Variants in CYP4B1 observed in about 807,000 individuals in gnomAD.
CYP4B1 encodes cytochrome P450 family 4 subfamily B member 1, also known as cytochrome P450 4B1.
A neutral mutation model predicts 54.0 loss-of-function variants in CYP4B1; 45 were observed. The ratio of observed to expected loss-of-function variants is 0.83; its 90% confidence interval spans 0.66 to 1.07. CYP4B1 has a LOEUF of 1.07. Ranked by LOEUF, CYP4B1 falls within the 50% of genes least tolerant of loss-of-function variation. The pLI is 0.00. For missense variants in CYP4B1, 656 were observed against 655.4 expected (o/e 1.00, Z -0.01); for synonymous variants, 248 against 247.5 (o/e 1.00, Z -0.02).
At chr1:46,815,953 G>A (rs542320483) in intron 8 of CYP4B1, among the ~76,000 whole-genome samples, 3 of 151,576 alleles carry the variant, frequency 2.0e-5, no homozygotes, top group Admixed American at 1.3e-4. Flanking sequence ...GCCTCCAAGA[G>A]GGGGCTAGGC....
At chr1:46,799,410 C>T (rs1678521427) in intron 1 of CYP4B1, 149 bp downstream of exon 1, 1 of 777,244 alleles carries the variant, frequency 1.3e-6, no homozygotes, top group Non-Finnish European at 2.0e-6. Context: ...ATTCAGCTTT[C>T]CCACCGGAAT....
intron 1 of CYP4B1, among the ~76,000 whole-genome samples, chr1:46,809,917 C>A (rs1034036250): frequency 6.6e-6 from 1 of 152,180 alleles, no homozygotes; most frequent in Non-Finnish European, 1.5e-5. Flanking sequence ...TGTATAACTT[C>A]ATTTACTTAA....
At chr1:46,806,459 T>C (rs1275225360) in intron 1 of CYP4B1, among the ~76,000 whole-genome samples, 2 of 152,198 alleles carry the variant, frequency 1.3e-5, no homozygotes, top group African/African-American at 4.8e-5. Flanking sequence ...GCAGGCTTGC[T>C]AACAAGGGCT....
intron 1 of CYP4B1, among the ~76,000 whole-genome samples, chr1:46,805,740 C>T (rs1255690122): frequency 5.9e-5 from 9 of 152,178 alleles, no homozygotes; most frequent in Admixed American, 2.0e-4. Context: ...TTCAGAGATG[C>T]TACATCTTCT....
At chr1:46,803,063 C>T (rs1678723142) in intron 1 of CYP4B1, among the ~76,000 whole-genome samples, 1 of 152,160 alleles carries the variant, frequency 6.6e-6, no homozygotes, top group Non-Finnish European at 1.5e-5. Flanking sequence ...GAGGATGAGG[C>T]TGGAGGTAGA....
intron 11 of CYP4B1, 26 bp downstream of exon 11, chr1:46,818,239 C>T (rs1354509599): frequency 5.6e-6 from 9 of 1,599,710 alleles, no homozygotes; most frequent in Non-Finnish European, 7.7e-6. Context: ...GTATCCCAGG[C>T]CCTCAGGACT....
chr1:46,810,067 C>G (rs775945200), intron 1 of CYP4B1, among the ~76,000 whole-genome samples: 1 of 152,162 alleles, frequency 6.6e-6, no homozygotes, highest in Non-Finnish European at 1.5e-5. Context: ...CTTTCCCAAC[C>G]CAGCGCGTTT....
chr1:46,805,593 AC>A (rs1678826348), intron 1 of CYP4B1, among the ~76,000 whole-genome samples: 1 of 152,100 alleles, frequency 6.6e-6, no homozygotes, highest in South Asian at 2.1e-4. Context: ...GGAGGAAGTC[AC>A]CTCTCTGCTC....
In CYP4B1 at chr1:46,810,861, G is replaced by T; in HGVS notation, c.234G>T (p.Pro78=). The part of the protein sequence containing the change: ...DKVVSWAHQF[P]YAHPLWFGQF... ...TGGTGTCCTGGGCCCACCAGTTCCC[G>T]TATGCCCACCCACTCTGGTTCGGAC... Residue 78 remains proline (P), a synonymous_variant, in exon 2 of 12, where the codon CCG becomes CCT. Transcript: ENST00000371923. 1.2e-6 allele frequency: 2 copies of T among 1,614,116 alleles called. No homozygotes were observed. The highest frequency in any genetic ancestry group is 1.7e-6 in the Non-Finnish European group (2 of 1,180,000).
In CYP4B1 at chr1:46,813,514, G is replaced by A; in HGVS notation, c.528G>A (p.Lys176=). The A allele has an allele frequency of 6.2e-7, 1 of 1,614,204 alleles. No homozygotes were observed. Among genetic ancestry groups the A allele is most frequent in the Non-Finnish European group, 8.5e-7 (1 of 1,180,036 alleles). ...DKWEEKAREG[K]SFDIFCDVGH... ...GGGAAGAGAAAGCTCGGGAGGGTAA[G>A]TCCTTTGACATCTTCTGCGATGTGG... Residue 176 remains lysine, a synonymous_variant, in exon 5 of 12, where the codon AAG becomes AAA. Coordinates refer to ENST00000371923, the MANE Select transcript of CYP4B1 (RefSeq NM_001099772.2).
At chr1:46,804,122 C>T (rs957072694) in intron 1 of CYP4B1, among the ~76,000 whole-genome samples, 18 of 152,054 alleles carry the variant, frequency 1.2e-4, no homozygotes, top group African/African-American at 2.7e-4. Context: ...AGGGAGAAGA[C>T]GCAAGGGAAG....
At chr1:46,818,096 C>T (rs539676662) in intron 10 of CYP4B1, 35 bp from the exon 11 acceptor site, 1 of 1,613,282 alleles carries the variant, frequency 6.2e-7, no homozygotes, top group African/African-American at 1.3e-5. Context: ...TCTGCCAGAA[C>T]CTGGCGAGTG....
In CYP4B1 at chr1:46,815,113, G is replaced by A. The variant is rs144531409; in HGVS notation, c.922G>A (p.Ala308Thr). 1.0e-3 allele frequency: 1,673 copies of A among 1,614,074 alleles called. 20 individuals carry two copies. The highest frequency in any genetic ancestry group is 3.0e-4 in the Non-Finnish European group (359 of 1,180,034). Reference protein sequence around the residue: ...DIKLSDADLRAEVDTFMFEGH... With the variant: ...DIKLSDADLRTEVDTFMFEGH... ...CAAACTGTCAGATGCAGACCTCCGG[G>A]CTGAAGTGGACACATTCATGTTTGA... Residue 308 changes from alanine (A) to threonine (T), a missense_variant, in exon 8 of 12, where the codon GCT becomes ACT. By Grantham distance (58) the Ala-to-Thr change is moderately conservative (BLOSUM62 0). Transcript: ENST00000371923.
At position 46,810,845 on chromosome 1, in the gene CYP4B1, G is replaced by A. The variant is rs752663331; in HGVS notation, c.218G>A (p.Trp73Ter). The A allele has an allele frequency of 1.9e-6, 3 of 1,614,116 alleles. No individual in the cohort carries two copies. Among genetic ancestry groups the A allele is most frequent in the Non-Finnish European group, 2.5e-6 (3 of 1,180,000 alleles). The change falls in exon 2 of 12, where the codon TGG becomes TAG. Residue 73 changes from tryptophan to a stop codon, truncating the protein, a stop_gained. Coordinates refer to ENST00000371923, the MANE Select transcript of CYP4B1 (RefSeq NM_001099772.2). LOFTEE classifies it high-confidence loss of function. ...ETGSLDKVVS[W>*]AHQFPYAHPL... ...GGGAGCCTGGACAAAGTGGTGTCCTGGGCCCACCAGTTCCCGTATGCCCAC... is the reference window on the plus strand; with the variant it reads ...GGGAGCCTGGACAAAGTGGTGTCCTAGGCCCACCAGTTCCCGTATGCCCAC...
chr1:46,812,299 C>T, intron 3 of CYP4B1, 197 bp from the exon 4 acceptor site: 2 of 703,890 alleles, frequency 2.8e-6, no homozygotes, highest in Non-Finnish European at 2.6e-6. Flanking sequence ...AAGGAGCTCA[C>T]TCAGCCAAGA....
intron 1 of CYP4B1, 22 bp downstream of exon 1, chr1:46,799,283 G>T (rs755998147): frequency 3.8e-6 from 6 of 1,559,048 alleles, no homozygotes; most frequent in African/African-American, 1.4e-5. Context: ...TCGGGAGGGT[G>T]GGGGAGAAAG....
Position 46,817,037 on chromosome 1 carries a change from G to A in CYP4B1, c.1074-11G>A. 1 of 1,613,322 alleles carries A rather than the reference G, an allele frequency of 6.2e-7. No individual in the cohort carries two copies. The highest frequency in any genetic ancestry group is 1.3e-5 in the African/African-American group (1 of 75,018). On this transcript the variant is annotated splice_polypyrimidine_tract_variant and intron_variant, in intron 8 of 11. Transcript: ENST00000371923. ...CCCATTCCAAGAATGTTCTGGTTGTGTTGCTGGCAGGGATGATCTGGGCAA... is the reference window on the plus strand; with the variant it reads ...CCCATTCCAAGAATGTTCTGGTTGTATTGCTGGCAGGGATGATCTGGGCAA...
intron 7 of CYP4B1, 24 bp from the exon 8 acceptor site, chr1:46,815,050 C>A (rs375320663): frequency 3.7e-6 from 6 of 1,609,228 alleles, no homozygotes; most frequent in Non-Finnish European, 5.1e-6. Flanking sequence ...CTCAAGCTGT[C>A]CTATTATGCC....
chr1:46,815,529 A>T, intron 8 of CYP4B1: 1 of 316,800 alleles, frequency 3.2e-6, no homozygotes. Context: ...TTGTGTGCTA[A>T]CTTCTTCTGA....
Sources: gnomAD v4.1 joint callset for allele counts (sites outside exome capture counted in the v4.1 genomes callset) on GRCh38, gnomAD v4.1.1 for gene constraint, MANE v1.5 for transcripts, NCBI Gene and HGNC (gene_info 2026-07-23, HGNC 2026-07-21) for gene names.